KANK1: variants seen among roughly 807,000 people sequenced by gnomAD.
The protein encoded by KANK1 is KN motif and ankyrin repeat domain-containing protein 1.
KANK1 carries 109 observed loss-of-function variants against 106.2 expected under a neutral mutation model. The ratio of observed to expected loss-of-function variants is 1.03; its 90% confidence interval spans 0.88 to 1.20. The LOEUF (loss-of-function observed/expected upper bound fraction) is 1.20, where lower values mean the gene tolerates loss of function less well. Among genes scored for constraint, KANK1 ranks in the 50% most tolerant of loss-of-function variants. The pLI is 0.00. For missense variants in KANK1, 2,399 were observed against 1,710.7 expected, an observed-to-expected ratio of 1.40 and a Z score of -7.10; for synonymous variants, 873 against 652.2, an observed-to-expected ratio of 1.34 and a Z score of -5.16.
chr9:635,651 T>C (rs535640170), intron 1 of KANK1, among the ~76,000 whole-genome samples: 2 of 152,152 alleles, frequency 1.3e-5, no homozygotes, highest in Admixed American at 1.3e-4. Flanking sequence ...CATTCACAAT[T>C]TATTAATGTC....
At chr9:523,377 C>T (rs529803219) in intron 1 of KANK1, among the ~76,000 whole-genome samples, 2 of 151,764 alleles carry the variant, frequency 1.3e-5, no homozygotes, top group Admixed American at 1.3e-4. Flanking sequence ...GCATCGTCCT[C>T]CCTCTTTCCA....
intron 3 of KANK1, among the ~76,000 whole-genome samples, chr9:729,090 T>C (rs1218694360): frequency 1.3e-5 from 2 of 152,244 alleles, no homozygotes; most frequent in Non-Finnish European, 2.9e-5. Context: ...TTGACTCTTT[T>C]CATTGACATA....
chr9:686,667 GC>G (rs1253886519), intron 2 of KANK1: 7 of 741,682 alleles, frequency 9.4e-6, no homozygotes, highest in Non-Finnish European at 1.2e-5. Flanking sequence ...TTCCAAGTCT[GC>G]CCCAGGGACA....
At position 592,990 on chromosome 9, in the gene KANK1, C is replaced by T. The variant is rs116382969; in HGVS notation, c.-83-83900C>T. The stretch of plus-strand genomic sequence containing the variant: ...TCTTGGCGTCACCCACCATAGCCTA[C>T]CTTCTAAGAAGAAAGAAGACATCAT... On this transcript the variant is annotated intron_variant, in intron 1 of 11. Transcript: ENST00000382297. 5.9e-3 allele frequency among the ~76,000 whole-genome samples: 890 copies of T among 151,950 alleles called. 27 individuals are homozygous for T. The highest frequency in any genetic ancestry group is 0.021 in the African/African-American group (853 of 41,230).
At chr9:738,214 A>G in intron 7 of KANK1, 71 bp from the exon 8 acceptor site, 3 of 1,238,612 alleles carry the variant, frequency 2.4e-6, no homozygotes, top group Non-Finnish European at 3.4e-6. Flanking sequence ...AGGACAGGTT[A>G]CTTGTGCTTT....
upstream of KANK1, among the ~76,000 whole-genome samples, chr9:504,025 G>C (rs10974881): frequency 0.16 from 24,154 of 152,210 alleles, 3,572 homozygotes; most frequent in African/African-American, 0.39. Flanking sequence ...CCTTGGAGGC[G>C]GGAGGTTTCT....
intron 1 of KANK1, among the ~76,000 whole-genome samples, chr9:668,345 A>G (rs1363251441): frequency 1.7e-5 from 1 of 60,510 alleles, no homozygotes; most frequent in Non-Finnish European, 3.0e-5. Flanking sequence ...TTATTGTATT[A>G]TAATCTCTCT....
At chr9:607,323 T>C (rs768401494) in intron 1 of KANK1, among the ~76,000 whole-genome samples, 6 of 151,462 alleles carry the variant, frequency 4.0e-5, no homozygotes, top group Non-Finnish European at 8.8e-5. Flanking sequence ...CCGTCTCTAC[T>C]ATAAATACAA....
chr9:518,912 CAG>C (rs2059422337), intron 1 of KANK1, among the ~76,000 whole-genome samples: 1 of 150,476 alleles, frequency 6.6e-6, no homozygotes, highest in Admixed American at 6.6e-5. Context: ...TGTTTTGAGA[CAG>C]AGTTTCGCTC....
intron 1 of KANK1, among the ~76,000 whole-genome samples, chr9:605,862 G>C (rs1828980465): frequency 6.6e-6 from 1 of 151,756 alleles, no homozygotes; most frequent in African/African-American, 2.4e-5. Flanking sequence ...CAAGATGGGA[G>C]AGAGAAATGG....
intron 2 of KANK1, among the ~76,000 whole-genome samples, chr9:703,713 A>G (rs913255895): frequency 2.6e-5 from 4 of 151,660 alleles, no homozygotes; most frequent in Non-Finnish European, 5.9e-5. Context: ...TTTTTTTTAA[A>G]CTGCTCTTTT....
chr9:631,095 C>A (rs1039523684), intron 1 of KANK1, among the ~76,000 whole-genome samples: 1 of 152,098 alleles, frequency 6.6e-6, no homozygotes, highest in Non-Finnish European at 1.5e-5. Context: ...GTGTCTTTTG[C>A]TGCTGTTATT....
chr9:644,378 TAAAG>T (rs1233667012), intron 1 of KANK1, among the ~76,000 whole-genome samples: 1 of 150,976 alleles, frequency 6.6e-6, no homozygotes, highest in Non-Finnish European at 1.5e-5. Flanking sequence ...CTCACTGCTA[TAAAG>T]AAATACTGGA....
intron 1 of KANK1, among the ~76,000 whole-genome samples, chr9:662,700 C>G (rs541065694): frequency 2.9e-5 from 4 of 138,518 alleles, no homozygotes; most frequent in Admixed American, 8.2e-5. Context: ...CTTGCTCTGT[C>G]ACCCAGGCTG....
At chr9:475,686 T>A (rs2058090534) in intron 3 of KANK1, among the ~76,000 whole-genome samples, 1 of 152,158 alleles carries the variant, frequency 6.6e-6, no homozygotes, top group Non-Finnish European at 1.5e-5. Flanking sequence ...AAATATTTTA[T>A]CCCATAACAT....
chr9:539,072 G>A (rs1452440541), intron 1 of KANK1, among the ~76,000 whole-genome samples: 1 of 152,080 alleles, frequency 6.6e-6, no homozygotes, highest in African/African-American at 2.4e-5. Context: ...GTAGCGACGG[G>A]ATTTCACCAT....
At chr9:576,019 T>A (rs899648583) in intron 1 of KANK1, among the ~76,000 whole-genome samples, 2 of 152,174 alleles carry the variant, frequency 1.3e-5, no homozygotes, top group Non-Finnish European at 2.9e-5. Flanking sequence ...TGCAACTGCA[T>A]CTCAAAACAA....
At chr9:520,879 T>G (rs2059513787) in intron 1 of KANK1, among the ~76,000 whole-genome samples, 1 of 151,714 alleles carries the variant, frequency 6.6e-6, no homozygotes, top group African/African-American at 2.4e-5. Flanking sequence ...TTTTATATCT[T>G]GATTTTGCAT....
At chr9:704,431 AAAG>A (rs1313211165) in intron 2 of KANK1, among the ~76,000 whole-genome samples, 4 of 152,198 alleles carry the variant, frequency 2.6e-5, no homozygotes, top group African/African-American at 4.8e-5. Context: ...AGGAAGGCAC[AAAG>A]AAGAACATAG....
Sources: allele counts gnomAD v4.1 joint callset (sites outside exome capture counted in the v4.1 genomes callset), GRCh38; gene constraint gnomAD v4.1.1; transcripts MANE v1.5; gene names NCBI Gene and HGNC (gene_info 2026-07-23, HGNC 2026-07-21).